The following LRMDA variants were observed in gnomAD, a reference collection of about 807,000 sequenced individuals.
The protein encoded by LRMDA is leucine-rich melanocyte differentiation-associated protein.
LRMDA carries 18 observed loss-of-function variants against 29.8 expected under a neutral mutation model. The observed-to-expected ratio is 0.60, with a 90% CI of 0.42 to 0.90. LRMDA has a LOEUF of 0.90. LRMDA is among the 40% of genes least tolerant of loss of function. The pLI, the probability that LRMDA is intolerant of heterozygous loss-of-function variation, is 0.00. For missense variants in LRMDA, 273 were observed against 273.9 expected (o/e 1.00, Z 0.02); for synonymous variants, 125 against 109.4 (o/e 1.14, Z -0.89).
chr10:75,679,665 C>G (rs151187408), intron 2 of LRMDA, among the ~76,000 whole-genome samples: 1 of 152,322 alleles, frequency 6.6e-6, no homozygotes, highest in Non-Finnish European at 1.5e-5. Flanking sequence ...AGACCACATA[C>G]TAACATTCTG....
intron 2 of LRMDA, among the ~76,000 whole-genome samples, chr10:75,570,964 A>G (rs1812512256): frequency 6.6e-6 from 1 of 152,218 alleles, no homozygotes; most frequent in African/African-American, 2.4e-5. Context: ...TAATTTGAAA[A>G]TGGTAGTTAG....
chr10:75,809,504 G>A lies in LRMDA; in HGVS notation c.132-226504G>A, dbSNP rs185571388. 1.7e-3 allele frequency among the ~76,000 whole-genome samples: 253 copies of A among 152,218 alleles called. 2 individuals are homozygous for A. The highest frequency in any genetic ancestry group is 5.7e-3 in the African/African-American group (235 of 41,538). On this transcript the variant is annotated intron_variant, in intron 2 of 6. Coordinates refer to ENST00000611255, the MANE Select transcript of LRMDA (RefSeq NM_001305581.2). ...CTAAAAGTACAAAAATTAGCCAGGC[G>A]TGGTGGTGTGCACCTGTAATCCCAG... is the stretch of plus-strand genomic sequence containing the variant.
chr10:76,461,814 C>T (rs748194385), intron 6 of LRMDA, among the ~76,000 whole-genome samples: 25 of 152,044 alleles, frequency 1.6e-4, no homozygotes, highest in Non-Finnish European at 3.1e-4. Context: ...GGGGCACACA[C>T]CTATAATTCC....
intron 6 of LRMDA, among the ~76,000 whole-genome samples, chr10:76,425,794 T>C (rs897943577): frequency 1.3e-5 from 2 of 148,506 alleles, no homozygotes; most frequent in East Asian, 2.0e-4. Flanking sequence ...GATGTTCCCC[T>C]TCCTGTGTCC....
intron 5 of LRMDA, among the ~76,000 whole-genome samples, chr10:76,096,114 A>G (rs1564651722): frequency 1.3e-5 from 2 of 152,162 alleles, no homozygotes; most frequent in Non-Finnish European, 2.9e-5. Flanking sequence ...CAAAAGTTTT[A>G]AAGTTTGATA....
intron 6 of LRMDA, among the ~76,000 whole-genome samples, chr10:76,340,879 A>G (rs1433825835): frequency 6.6e-6 from 1 of 152,214 alleles, no homozygotes; most frequent in Non-Finnish European, 1.5e-5. Flanking sequence ...GGAGCAGATA[A>G]TAAGTATTTT....
At chr10:76,204,328 C>G (rs970608621) in intron 5 of LRMDA, among the ~76,000 whole-genome samples, 21 of 149,268 alleles carry the variant, frequency 1.4e-4, no homozygotes, top group African/African-American at 5.2e-4. Context: ...ATCCACCCAT[C>G]TCTCCATGTG....
At chr10:76,027,608 A>G (rs1319091774) in intron 2 of LRMDA, among the ~76,000 whole-genome samples, 1 of 152,224 alleles carries the variant, frequency 6.6e-6, no homozygotes, top group East Asian at 1.9e-4. Context: ...ACAAGATTGT[A>G]TATTAACAGC....
chr10:75,517,634 T>A (rs1267779681), intron 2 of LRMDA, among the ~76,000 whole-genome samples: 1 of 152,214 alleles, frequency 6.6e-6, no homozygotes, highest in East Asian at 1.9e-4. Context: ...TATACAGTCA[T>A]GTCATCTGCA....
At chr10:76,464,147 C>A (rs2132311047) in intron 6 of LRMDA, among the ~76,000 whole-genome samples, 1 of 151,988 alleles carries the variant, frequency 6.6e-6, no homozygotes, top group Middle Eastern at 3.4e-3. Flanking sequence ...TCAAACTCCC[C>A]TCCTCAGGTC....
At chr10:76,068,424 G>T (rs958347570) in intron 5 of LRMDA, among the ~76,000 whole-genome samples, 1 of 152,146 alleles carries the variant, frequency 6.6e-6, no homozygotes, top group South Asian at 2.1e-4. Flanking sequence ...CAGACTGGGG[G>T]TGGGGATGGG....
At chr10:75,692,863 C>T (rs1158447663) in intron 2 of LRMDA, among the ~76,000 whole-genome samples, 2 of 152,088 alleles carry the variant, frequency 1.3e-5, no homozygotes, top group East Asian at 3.9e-4. Context: ...CTCTATAATG[C>T]TGAGCATCAC....
intron 2 of LRMDA, among the ~76,000 whole-genome samples, chr10:75,474,267 G>C (rs1844761863): frequency 6.6e-6 from 1 of 152,208 alleles, no homozygotes; most frequent in South Asian, 2.1e-4. Flanking sequence ...AGCCTTGTTT[G>C]TGTATGTGTC....
In LRMDA at chr10:76,501,145, C is replaced by A. The variant is rs1408783680; in HGVS notation, c.602-56064C>A. ...AGCATGTGGTATTTGGTTTTCTGGT[C>A]CTGCATTATTTTGTTTAGGATTAGC... On this transcript the variant is annotated intron_variant, in intron 6 of 6. Transcript: ENST00000611255. Among the ~76,000 whole-genome samples, 2 of 71,440 alleles carry A rather than the reference C, an allele frequency of 2.8e-5. 1 individual carries two copies. The highest frequency in any genetic ancestry group is 9.1e-5 in the Non-Finnish European group (2 of 21,888). The allele number at this position is 71,440 out of a possible 152,430, so 46.9% of individuals were successfully genotyped here.
At chr10:76,062,906 T>C (rs1848725998) in intron 5 of LRMDA, among the ~76,000 whole-genome samples, 1 of 151,992 alleles carries the variant, frequency 6.6e-6, no homozygotes, top group African/African-American at 2.4e-5. Context: ...CTGGGAAACA[T>C]AGATCAAAGG....
chr10:76,007,031 T>TGTGC (rs1230411095), intron 2 of LRMDA, among the ~76,000 whole-genome samples: 525 of 26,950 alleles, frequency 0.019, 4 homozygotes, highest in Non-Finnish European at 0.04. Context: ...TGTGTGTGTG[T>TGTGC]GCGCGTGTGT....
chr10:75,644,598 G>A lies in LRMDA; in HGVS notation c.131+206104G>A, dbSNP rs115393740. Among the ~76,000 whole-genome samples the A allele has an allele frequency of 5.3e-3, 800 of 152,254 alleles. 10 individuals are homozygous for A. Among genetic ancestry groups the A allele is most frequent in the African/African-American group, 0.018 (753 of 41,534 alleles). On this transcript the variant is annotated intron_variant, in intron 2 of 6. Coordinates refer to ENST00000611255, the MANE Select transcript of LRMDA (RefSeq NM_001305581.2). ...CTTCATTAAATACAGTCACAGCAGG[G>A]TGGCTGAGCCGGCTGGGTTGTGGGT...
chr10:76,063,920 G>C (rs1482010067), intron 5 of LRMDA, among the ~76,000 whole-genome samples: 2 of 152,112 alleles, frequency 1.3e-5, no homozygotes, highest in Admixed American at 6.5e-5. Flanking sequence ...GAAGCTGCTC[G>C]CCCCTGGGGT....
At chr10:76,452,758 C>T (rs1842419044) in intron 6 of LRMDA, among the ~76,000 whole-genome samples, 2 of 152,176 alleles carry the variant, frequency 1.3e-5, no homozygotes, top group East Asian at 1.9e-4. Flanking sequence ...GATCAGTTAA[C>T]AGCAAAATGT....
Sources: gnomAD v4.1 joint callset for allele counts (sites outside exome capture counted in the v4.1 genomes callset) on GRCh38, gnomAD v4.1.1 for gene constraint, MANE v1.5 for transcripts, NCBI Gene and HGNC (gene_info 2026-07-23, HGNC 2026-07-21) for gene names.